ARHGEF37: variants seen among roughly 807,000 people sequenced by gnomAD.
ARHGEF37 encodes Rho guanine nucleotide exchange factor (GEF) 37.
ARHGEF37 carries 55 observed loss-of-function variants against 71.1 expected under a neutral mutation model. That is an observed-to-expected ratio of 0.77 (90% CI 0.62 to 0.97). The LOEUF is 0.97. ARHGEF37 is among the 50% of genes least tolerant of loss of function. ARHGEF37 has a pLI of 0.00. For missense variants in ARHGEF37, 765 were observed against 836.8 expected (o/e 0.91, Z 1.06); for synonymous variants, 327 against 350.6 (o/e 0.93, Z 0.75).
chr5:149,601,020 T>A, intron 2 of ARHGEF37, 88 bp from the exon 3 acceptor site: 1 of 1,427,570 alleles, frequency 7.0e-7, no homozygotes, highest in Non-Finnish European at 9.6e-7. Context: ...ATGGGAATGG[T>A]GTGAGTGTTC....
intron 5 of ARHGEF37, among the ~76,000 whole-genome samples, chr5:149,617,573 C>G (rs143015181): frequency 5.3e-5 from 8 of 152,354 alleles, no homozygotes; most frequent in Non-Finnish European, 1.2e-4. Context: ...GAGGTTGGCC[C>G]TGTTAGCCCC....
chr5:149,628,414 AG>A, intron 11 of ARHGEF37, among the ~76,000 whole-genome samples: 1 of 152,292 alleles, frequency 6.6e-6, no homozygotes, highest in Non-Finnish European at 1.5e-5. Context: ...TCACATGGAG[AG>A]GAGAAAGGCA....
At chr5:149,629,063 T>C in intron 12 of ARHGEF37, 97 bp downstream of exon 12, 1 of 1,393,578 alleles carries the variant, frequency 7.2e-7, no homozygotes, top group Admixed American at 2.4e-5. Flanking sequence ...CCCTCCTGTC[T>C]GGTGGGGCTG....
At chr5:149,562,534 C>G (rs1270950531) in intron 1 of ARHGEF37, among the ~76,000 whole-genome samples, 1 of 152,090 alleles carries the variant, frequency 6.6e-6, no homozygotes, top group Non-Finnish European at 1.5e-5. Flanking sequence ...CTGCAAGCTC[C>G]CGGGTTCACG....
intron 1 of ARHGEF37, among the ~76,000 whole-genome samples, chr5:149,586,268 TTTG>T (rs1379211308): frequency 1.1e-4 from 17 of 152,296 alleles, no homozygotes; most frequent in Admixed American, 1.1e-3. Context: ...TTTTCTGTTT[TTTG>T]TTTTTGTTTT....
In ARHGEF37 at chr5:149,570,705, G is replaced by A. The variant is rs973080430; in HGVS notation, c.-12+18582G>A. 6.3e-4 allele frequency among the ~76,000 whole-genome samples: 94 copies of A among 150,240 alleles called. 1 individual carries two copies. Among genetic ancestry groups the A allele is most frequent in the Non-Finnish European group, 1.2e-3 (78 of 67,652 alleles). On this transcript the variant is annotated intron_variant, in intron 1 of 2. Coordinates refer to the ARHGEF37 transcript ENST00000505810. The stretch of plus-strand genomic sequence containing the variant: ...ACCCTGGCCAATATGGTGAAACCCC[G>A]TCTCTACTAAAATTACAAAAATTAG...
At chr5:149,627,660 C>T (rs1002842838) in intron 11 of ARHGEF37, among the ~76,000 whole-genome samples, 4 of 152,212 alleles carry the variant, frequency 2.6e-5, no homozygotes, top group African/African-American at 9.7e-5. Context: ...ACCCTGGCTA[C>T]ACCGCCAGAA....
rs1266740777 is a variant in ARHGEF37, at chr5:149,593,455, AG to A, written c.-11-4303del. On this transcript the variant is annotated intron_variant, in intron 1 of 12. Coordinates refer to ENST00000333677, the MANE Select transcript of ARHGEF37 (RefSeq NM_001001669.3). Reference sequence around the variant, plus strand: ...CCTTTGTGATTGCCTTTTTTCACTAAGCATAATGTTTTTAAGATTCATTCAT... The same window carrying A: ...CCTTTGTGATTGCCTTTTTTCACTAACATAATGTTTTTAAGATTCATTCAT... Among the ~76,000 whole-genome samples, 3 of 152,312 alleles carry A rather than the reference AG, an allele frequency of 2.0e-5. No individual in the cohort carries two copies. The East Asian group carries it at 5.8e-4, about 29-fold the overall frequency.
At chr5:149,560,265 G>A (rs925109650) in intron 1 of ARHGEF37, among the ~76,000 whole-genome samples, 6 of 152,140 alleles carry the variant, frequency 3.9e-5, no homozygotes, top group East Asian at 3.9e-4. Context: ...ATAAGCATGC[G>A]CCACCACGCC....
rs1331108855 is a variant in ARHGEF37 at position 149,622,072 on chromosome 5, C to T, written c.1335+10C>T. 1.3e-6 allele frequency: 2 copies of T among 1,594,494 alleles called. No individual in the cohort carries two copies. The highest frequency in any genetic ancestry group is 2.3e-5 in the South Asian group (2 of 87,620). On this transcript the variant is annotated intron_variant, in intron 9 of 12. Coordinates refer to ENST00000333677, the MANE Select transcript of ARHGEF37 (RefSeq NM_001001669.3). ...GGGAAGCATGGCCCAGGTAAGGCCTCTGAGACTTGGACACCTGTGGGGAGT... is the reference window on the plus strand; with the variant it reads ...GGGAAGCATGGCCCAGGTAAGGCCTTTGAGACTTGGACACCTGTGGGGAGT...
intron 1 of ARHGEF37, among the ~76,000 whole-genome samples, chr5:149,560,342 G>A (rs1055887713): frequency 2.6e-5 from 4 of 152,092 alleles, no homozygotes; most frequent in Non-Finnish European, 5.9e-5. Flanking sequence ...TCGAACTCCC[G>A]ACCTCAGGTG....
chr5:149,569,679 C>A (rs896396103), intron 1 of ARHGEF37, among the ~76,000 whole-genome samples: 1 of 151,480 alleles, frequency 6.6e-6, no homozygotes, highest in African/African-American at 2.4e-5. Flanking sequence ...TGCAGTGGCT[C>A]GGTCTTGGCT....
intron 12 of ARHGEF37, among the ~76,000 whole-genome samples, chr5:149,631,147 CT>C (rs1383324962): frequency 8.3e-5 from 9 of 108,292 alleles, no homozygotes; most frequent in African/African-American, 2.7e-4. Context: ...TTCCTTCCTT[CT>C]TTCCTTCCTT....
At chr5:149,585,183 C>G (rs1467764046) in intron 1 of ARHGEF37, among the ~76,000 whole-genome samples, 1 of 152,168 alleles carries the variant, frequency 6.6e-6, no homozygotes, top group Non-Finnish European at 1.5e-5. Flanking sequence ...AACTGGATCT[C>G]TTATATACCA....
intron 1 of ARHGEF37, among the ~76,000 whole-genome samples, chr5:149,566,530 A>G (rs765816814): frequency 1.5e-5 from 2 of 135,598 alleles, no homozygotes; most frequent in African/African-American, 5.4e-5. Flanking sequence ...AAAACCAACC[A>G]AACAACAACA....
intron 1 of ARHGEF37, among the ~76,000 whole-genome samples, chr5:149,552,472 A>G (rs1580875040): frequency 1.3e-5 from 2 of 152,346 alleles, no homozygotes; most frequent in East Asian, 3.9e-4. Context: ...TCCATGGTTG[A>G]TGCTATCATC....
In ARHGEF37 at chr5:149,558,485, G is replaced by A. The variant is rs191083475; in HGVS notation, c.-12+6362G>A. Among the ~76,000 whole-genome samples the A allele has an allele frequency of 8.9e-4, 136 of 152,210 alleles. 1 individual carries two copies. Among genetic ancestry groups the A allele is most frequent in the Admixed American group, 4.8e-3 (73 of 15,288 alleles). On this transcript the variant is annotated intron_variant, in intron 1 of 2. Coordinates refer to the ARHGEF37 transcript ENST00000505810. ...TGTGCCACTGCACTCCAGCCTGGGC[G>A]ACAGAGCGAGACTCAGTCCCCCTCT...
chr5:149,601,947 G>A (rs1763767017), intron 3 of ARHGEF37, among the ~76,000 whole-genome samples: 2 of 152,216 alleles, frequency 1.3e-5, no homozygotes, highest in African/African-American at 4.8e-5. Flanking sequence ...ATCATGCACA[G>A]CTTTATAGGT....
intron 10 of ARHGEF37, among the ~76,000 whole-genome samples, chr5:149,625,743 T>A (rs1017349289): frequency 2.0e-5 from 3 of 150,890 alleles, no homozygotes; most frequent in African/African-American, 7.3e-5. Context: ...TGTCACCCCT[T>A]CCCACCCTCC....
Sources: allele counts gnomAD v4.1 joint callset (sites outside exome capture counted in the v4.1 genomes callset), GRCh38; gene constraint gnomAD v4.1.1; transcripts MANE v1.5; gene names NCBI Gene and HGNC (gene_info 2026-07-23, HGNC 2026-07-21).